NALF1: variants seen among roughly 807,000 people sequenced by gnomAD.
The protein encoded by NALF1 is NALCN channel auxiliary factor 1.
Under a neutral mutation model 48.4 loss-of-function variants are expected in NALF1, and 3 were observed. The ratio of observed to expected loss-of-function variants is 0.06; its 90% CI spans 0.03 to 0.16. The LOEUF is 0.16. Ranked by LOEUF, NALF1 falls within the 10% of genes least tolerant of loss-of-function variation. The pLI is 1.00. For missense variants in NALF1, 526 were observed against 571.5 expected (o/e 0.92, Z 0.81); for synonymous variants, 262 against 245.7 (o/e 1.07, Z -0.62).
At chr13:107,250,187 A>C (rs962297470) in intron 1 of NALF1, among the ~76,000 whole-genome samples, 20 of 152,140 alleles carry the variant, frequency 1.3e-4, no homozygotes, top group Non-Finnish European at 2.2e-4. Context: ...TGGGGCTCCA[A>C]ATTAGAATTA....
intron 1 of NALF1, among the ~76,000 whole-genome samples, chr13:107,328,047 A>T (rs1882398177): frequency 6.6e-6 from 1 of 151,858 alleles, no homozygotes; most frequent in South Asian, 2.1e-4. Context: ...CTGCCTCCCG[A>T]GTAGCTGGGC....
At chr13:107,460,806 T>C (rs1594074796) in intron 1 of NALF1, among the ~76,000 whole-genome samples, 1 of 152,218 alleles carries the variant, frequency 6.6e-6, no homozygotes. Context: ...AATATATTTC[T>C]TCTAAGGATT....
intron 1 of NALF1, among the ~76,000 whole-genome samples, chr13:107,783,803 T>C (rs1877994276): frequency 6.7e-6 from 1 of 149,474 alleles, no homozygotes; most frequent in Non-Finnish European, 1.5e-5. Flanking sequence ...TTCCCTCCAC[T>C]ATTGTCCTAT....
intron 1 of NALF1, among the ~76,000 whole-genome samples, chr13:107,674,842 A>T (rs1162645925): frequency 2.6e-5 from 4 of 152,134 alleles, no homozygotes; most frequent in Non-Finnish European, 5.9e-5. Flanking sequence ...AAGTTGGGGA[A>T]AGTGTGTTGC....
intron 1 of NALF1, among the ~76,000 whole-genome samples, chr13:107,225,730 C>T (rs1323784677): frequency 2.0e-5 from 3 of 152,126 alleles, no homozygotes; most frequent in Admixed American, 6.5e-5. Context: ...TAGCAATCAA[C>T]CTGCTCTTTC....
chr13:107,683,667 G>C lies in NALF1; in HGVS notation c.915+182015C>G, dbSNP rs973518382. On this transcript the variant is annotated intron_variant, in intron 1 of 2. Coordinates refer to ENST00000375915, the MANE Select transcript of NALF1 (RefSeq NM_001080396.3). ...TCTTAGCTGGAAAGTTGAATGCTGG[G>C]GTCCCCAGAGAGGCCGTGGCAGGAC... 5.3e-5 allele frequency among the ~76,000 whole-genome samples: 8 copies of C among 152,140 alleles called. 1 individual carries two copies. The South Asian group carries it at 1.2e-3, about 24-fold the overall frequency.
intron 1 of NALF1, among the ~76,000 whole-genome samples, chr13:107,823,887 TA>T (rs1879432266): frequency 6.6e-6 from 1 of 152,166 alleles, no homozygotes; most frequent in Non-Finnish European, 1.5e-5. Context: ...GCTTACTGCA[TA>T]AGGCTGTTGG....
intron 1 of NALF1, among the ~76,000 whole-genome samples, chr13:107,344,314 G>A (rs980223038): frequency 6.6e-6 from 1 of 152,018 alleles, no homozygotes; most frequent in African/African-American, 2.4e-5. Flanking sequence ...GAAGAGGAGG[G>A]AACACTTCCA....
chr13:107,484,428 C>A (rs1885297412), intron 1 of NALF1, among the ~76,000 whole-genome samples: 1 of 152,090 alleles, frequency 6.6e-6, no homozygotes, highest in Non-Finnish European at 1.5e-5. Context: ...CCCCATAAGG[C>A]TTTGACAAGG....
chr13:107,715,366 C>T (rs1221305272), intron 1 of NALF1, among the ~76,000 whole-genome samples: 1 of 152,038 alleles, frequency 6.6e-6, no homozygotes, highest in Admixed American at 6.6e-5. Context: ...CCACAACTGG[C>T]TAATTTTGTA....
At chr13:107,860,621 T>C (rs536585582) in intron 1 of NALF1, among the ~76,000 whole-genome samples, 4 of 152,294 alleles carry the variant, frequency 2.6e-5, no homozygotes, top group Non-Finnish European at 5.9e-5. Flanking sequence ...AAAAAATATA[T>C]TTGCAATGTA....
In NALF1 at chr13:107,327,265, T is replaced by TG. The variant is rs1441779179; in HGVS notation, c.916-116511dup. Reference sequence around the variant, plus strand: ...GAGCCTGGCACCTAGCTTAGTCCATTGGCTATAGCTAGCCTGGCCTCTTGT... The same window carrying TG: ...GAGCCTGGCACCTAGCTTAGTCCATTGGGCTATAGCTAGCCTGGCCTCTTGT... On this transcript the variant is annotated intron_variant, in intron 1 of 2. Transcript: ENST00000375915. 2.0e-5 allele frequency among the ~76,000 whole-genome samples: 3 copies of TG among 152,018 alleles called. No homozygotes were observed. The East Asian group carries it at 5.8e-4, about 30-fold the overall frequency.
At position 107,329,672 on chromosome 13, in the gene NALF1, C is replaced by T. The variant is rs182576312; in HGVS notation, c.916-118917G>A. On this transcript the variant is annotated intron_variant, in intron 1 of 2. Coordinates refer to ENST00000375915, the MANE Select transcript of NALF1 (RefSeq NM_001080396.3). ...CCCCCTCCCCCCACGCCACAACAAT[C>T]CCTGATGTGTGTGTGATGTTCCCCT... 4.2e-3 allele frequency among the ~76,000 whole-genome samples: 606 copies of T among 145,078 alleles called. 3 individuals carry two copies. The highest frequency in any genetic ancestry group is 0.015 in the African/African-American group (571 of 38,866).
intron 1 of NALF1, among the ~76,000 whole-genome samples, chr13:107,483,491 C>A (rs1418192460): frequency 6.6e-6 from 1 of 152,052 alleles, no homozygotes; most frequent in Non-Finnish European, 1.5e-5. Flanking sequence ...AATCTGATTT[C>A]TATATGTTAC....
chr13:107,675,054 G>A (rs1881080287), intron 1 of NALF1, among the ~76,000 whole-genome samples: 1 of 152,158 alleles, frequency 6.6e-6, no homozygotes, highest in Non-Finnish European at 1.5e-5. Context: ...GTCCCCTGTG[G>A]TAGTGGACTC....
intron 1 of NALF1, among the ~76,000 whole-genome samples, chr13:107,321,660 C>A (rs920382385): frequency 6.6e-6 from 1 of 152,064 alleles, no homozygotes; most frequent in African/African-American, 2.4e-5. Context: ...TTGTTCCTGG[C>A]CCTGCGTCTA....
At position 107,585,641 on chromosome 13, in the gene NALF1, G is replaced by C. The variant is rs1264243441; in HGVS notation, c.915+280041C>G. 2.0e-5 allele frequency among the ~76,000 whole-genome samples: 3 copies of C among 152,224 alleles called. No homozygotes were observed. The East Asian group carries it at 5.8e-4, about 29-fold the overall frequency. On this transcript the variant is annotated intron_variant, in intron 1 of 2. Coordinates refer to ENST00000375915, the MANE Select transcript of NALF1 (RefSeq NM_001080396.3). Reference sequence around the variant, plus strand: ...GCGGCTCCACTATGGGAAATTACCAGCCATTTATCATCACCTACTTCCTGC... The same window carrying C: ...GCGGCTCCACTATGGGAAATTACCACCCATTTATCATCACCTACTTCCTGC...
intron 1 of NALF1, among the ~76,000 whole-genome samples, chr13:107,298,509 A>G (rs1297457975): frequency 6.6e-6 from 1 of 151,654 alleles, no homozygotes; most frequent in African/African-American, 2.4e-5. Context: ...TCAGCTCACT[A>G]TAACCTCCGC....
intron 1 of NALF1, among the ~76,000 whole-genome samples, chr13:107,485,133 G>A (rs1885309689): frequency 6.6e-6 from 1 of 152,078 alleles, no homozygotes; most frequent in African/African-American, 2.4e-5. Flanking sequence ...TATGAAGCAG[G>A]GCTGCATTTG....
Sources: gnomAD v4.1 joint callset for allele counts (sites outside exome capture counted in the v4.1 genomes callset) on GRCh38, gnomAD v4.1.1 for gene constraint, MANE v1.5 for transcripts, NCBI Gene and HGNC (gene_info 2026-07-23, HGNC 2026-07-21) for gene names.